The following BMPR1B variants were observed in gnomAD, a reference collection of about 807,000 sequenced individuals.
The protein encoded by BMPR1B is bone morphogenetic protein receptor type 1B, also known as bone morphogenetic protein receptor type-1B.
Under a neutral mutation model 59.1 loss-of-function variants are expected in BMPR1B, and 12 were observed. The observed-to-expected ratio is 0.20, with a 90% CI of 0.13 to 0.33. The LOEUF (loss-of-function observed/expected upper bound fraction) is 0.33, where lower values mean the gene tolerates loss of function less well. Among genes scored for constraint, BMPR1B ranks in the 10% least tolerant of loss-of-function variants. The pLI is 1.00. For missense variants in BMPR1B, 550 were observed against 610.9 expected, an observed-to-expected ratio of 0.90 and a Z score of 1.05; for synonymous variants, 237 against 207.3, an observed-to-expected ratio of 1.14 and a Z score of -1.23.
chr4:95,043,117 G>A (rs891319896), intron 3 of BMPR1B, among the ~76,000 whole-genome samples: 4 of 139,340 alleles, frequency 2.9e-5, no homozygotes, highest in Non-Finnish European at 6.1e-5. Context: ...GGAGCTTGCA[G>A]TGAGCCGAGA....
intron 4 of BMPR1B, among the ~76,000 whole-genome samples, chr4:95,112,074 AAC>A (rs1464857564): frequency 3.9e-5 from 6 of 152,110 alleles, no homozygotes; most frequent in Non-Finnish European, 7.4e-5. Flanking sequence ...CTTCGTCTAT[AAC>A]ACAGGGACAG....
At chr4:95,151,659 A>G (rs28484574) in intron 11 of BMPR1B, among the ~76,000 whole-genome samples, 3,051 of 152,334 alleles carry the variant, frequency 0.02, 106 homozygotes, top group African/African-American at 0.07. Context: ...AAGAAAGAAC[A>G]TAACACAGAC....
intron 1 of BMPR1B, among the ~76,000 whole-genome samples, chr4:94,767,857 T>C (rs1278851871): frequency 2.0e-5 from 3 of 152,156 alleles, no homozygotes; most frequent in African/African-American, 7.2e-5. Flanking sequence ...TTATGGATAC[T>C]ATATTCTTCC....
intron 3 of BMPR1B, among the ~76,000 whole-genome samples, chr4:95,071,120 C>T (rs1188567663): frequency 6.6e-6 from 1 of 152,002 alleles, no homozygotes; most frequent in African/African-American, 2.4e-5. Context: ...TATTCTTCAC[C>T]AACACGTTTT....
intron 11 of BMPR1B, among the ~76,000 whole-genome samples, chr4:95,149,398 C>A (rs954532166): frequency 1.3e-5 from 2 of 152,112 alleles, no homozygotes; most frequent in East Asian, 3.8e-4. Flanking sequence ...AAAACTTCCC[C>A]ATAAAGCAAT....
At chr4:94,962,497 G>T (rs1271243422) in intron 2 of BMPR1B, among the ~76,000 whole-genome samples, 1 of 151,992 alleles carries the variant, frequency 6.6e-6, no homozygotes, top group East Asian at 1.9e-4. Flanking sequence ...ACCCTTGCTA[G>T]CTTCTGGTAA....
chr4:94,985,529 G>GTGTGTGTGTT, intron 2 of BMPR1B, among the ~76,000 whole-genome samples: 1 of 148,314 alleles, frequency 6.7e-6, no homozygotes, highest in South Asian at 2.2e-4. Flanking sequence ...GTGTGTGTGT[G>GTGTGTGTGTT]TGTGTGTGTG....
intron 1 of BMPR1B, among the ~76,000 whole-genome samples, chr4:94,785,370 CTT>C (rs1722725077): frequency 6.6e-6 from 1 of 152,200 alleles, no homozygotes; most frequent in South Asian, 2.1e-4. Context: ...TTGCTTCCCT[CTT>C]TGAAGGCTGT....
At chr4:94,771,121 G>C (rs1722170940) in intron 1 of BMPR1B, among the ~76,000 whole-genome samples, 1 of 152,180 alleles carries the variant, frequency 6.6e-6, no homozygotes, top group Non-Finnish European at 1.5e-5. Context: ...GCAGCAGGAA[G>C]AAAAAGCAGA....
intron 1 of BMPR1B, among the ~76,000 whole-genome samples, chr4:94,840,002 A>T (rs1351338765): frequency 2.6e-5 from 4 of 151,882 alleles, no homozygotes; most frequent in Non-Finnish European, 5.9e-5. Flanking sequence ...AAAGTATTTT[A>T]TTTCTCCTTC....
intron 1 of BMPR1B, among the ~76,000 whole-genome samples, chr4:94,850,680 C>T (rs1205442116): frequency 1.3e-5 from 2 of 152,102 alleles, no homozygotes; most frequent in Non-Finnish European, 2.9e-5. Context: ...GTTAATAACC[C>T]CTGCCTCAGT....
At chr4:94,833,992 T>A (rs564640512) in intron 1 of BMPR1B, among the ~76,000 whole-genome samples, 1 of 152,290 alleles carries the variant, frequency 6.6e-6, no homozygotes, top group East Asian at 1.9e-4. Context: ...CCATACGTAG[T>A]GTGATGTTTG....
At chr4:94,963,832 T>C (rs1375686211) in intron 2 of BMPR1B, among the ~76,000 whole-genome samples, 4 of 152,146 alleles carry the variant, frequency 2.6e-5, no homozygotes, top group Non-Finnish European at 5.9e-5. Flanking sequence ...TGTGGTTCCA[T>C]GTAAATTTTA....
intron 1 of BMPR1B, among the ~76,000 whole-genome samples, chr4:94,762,884 G>C (rs1721834772): frequency 6.6e-6 from 1 of 151,556 alleles, no homozygotes; most frequent in South Asian, 2.1e-4. Flanking sequence ...GGGGCTGGGG[G>C]CTGGGGGTGT....
intron 3 of BMPR1B, among the ~76,000 whole-genome samples, chr4:95,058,192 A>G (rs1235923763): frequency 6.6e-6 from 1 of 152,232 alleles, no homozygotes; most frequent in East Asian, 1.9e-4. Context: ...TGAACAGGAC[A>G]TGAGTTTGAG....
chr4:95,091,532 T>G (rs1729987993), intron 3 of BMPR1B: 1 of 985,250 alleles, frequency 1.0e-6, no homozygotes, highest in Non-Finnish European at 1.2e-6. Flanking sequence ...GGTGCTGGGC[T>G]TTTTAGTGGA....
In BMPR1B at chr4:94,822,437, T is replaced by C. The variant is rs546996787; in HGVS notation, c.-182-53394T>C. ...CACATTGGACATATTTCGTGATGGT[T>C]GGGTAGATGGGTAAATTAATAAATT... On this transcript the variant is annotated intron_variant, in intron 1 of 12. Transcript: ENST00000515059. Among the ~76,000 whole-genome samples, 30 of 152,214 alleles carry C rather than the reference T, an allele frequency of 2.0e-4. No homozygotes were observed. In the Middle Eastern group the frequency reaches 0.01, roughly 52 times the overall value.
At chr4:94,867,180 C>T (rs17022393) in intron 1 of BMPR1B, among the ~76,000 whole-genome samples, 5,750 of 152,206 alleles carry the variant, frequency 0.038, 353 homozygotes, top group African/African-American at 0.13. Context: ...TCTAGCATGG[C>T]TAACCCTTCT....
chr4:94,864,399 AT>A (rs1726122253), intron 1 of BMPR1B, among the ~76,000 whole-genome samples: 1 of 152,290 alleles, frequency 6.6e-6, no homozygotes, highest in African/African-American at 2.4e-5. Flanking sequence ...TCAAGATAGT[AT>A]TTAGAAGATT....
Sources: allele counts gnomAD v4.1 joint callset (sites outside exome capture counted in the v4.1 genomes callset), GRCh38; gene constraint gnomAD v4.1.1; transcripts MANE v1.5; gene names NCBI Gene and HGNC (gene_info 2026-07-23, HGNC 2026-07-21).